KLHL1: variants seen among roughly 807,000 people sequenced by gnomAD.
KLHL1 encodes the protein kelch like family member 1, also known as kelch-like protein 1.
A neutral mutation model predicts 77.7 loss-of-function variants in KLHL1; 47 were observed. The observed-to-expected ratio is 0.60, with a 90% CI of 0.48 to 0.77. The LOEUF (loss-of-function observed/expected upper bound fraction) is 0.77. KLHL1 is among the 30% of genes least tolerant of loss of function. KLHL1 has a pLI of 0.00. For synonymous variants in KLHL1, 360 were observed against 325.2 expected, an observed-to-expected ratio of 1.11 and a Z score of -1.15; for missense variants, 925 against 910.8, an observed-to-expected ratio of 1.02 and a Z score of -0.20.
intron 3 of KLHL1, among the ~76,000 whole-genome samples, chr13:69,946,055 T>C (rs1307889470): frequency 1.3e-5 from 2 of 150,152 alleles, no homozygotes; most frequent in Admixed American, 6.6e-5. Flanking sequence ...GCAAGATAAT[T>C]AGGCTGAGTG....
intron 4 of KLHL1, among the ~76,000 whole-genome samples, chr13:69,921,811 C>T (rs754665345): frequency 6.6e-5 from 10 of 151,644 alleles, no homozygotes; most frequent in Non-Finnish European, 1.5e-4. Flanking sequence ...TAGTCAGTTC[C>T]GCATAGATAT....
intron 6 of KLHL1, among the ~76,000 whole-genome samples, chr13:69,837,133 T>G (rs978653271): frequency 1.2e-4 from 18 of 152,008 alleles, no homozygotes; most frequent in African/African-American, 4.3e-4. Context: ...TAAATTCTTA[T>G]ATATTTTTGA....
chr13:69,939,374 T>TACAC lies in KLHL1; in HGVS notation c.1014+665_1014+666insGTGT, dbSNP rs1271739736. On this transcript the variant is annotated intron_variant, in intron 4 of 10. Transcript: ENST00000377844. ...ATATATATATATATATATATATATA[T>TACAC]ATATACACACACACACGCACACACA... Among the ~76,000 whole-genome samples, 175 of 97,100 alleles carry TACAC rather than the reference T, an allele frequency of 1.8e-3. 2 individuals are homozygous for TACAC. Among genetic ancestry groups the TACAC allele is most frequent in the African/African-American group, 7.4e-3 (167 of 22,716 alleles). 63.7% of individuals were successfully genotyped at this position (97,100 alleles called of 152,430 possible).
At chr13:69,851,712 G>T (rs1010558579) in intron 5 of KLHL1, among the ~76,000 whole-genome samples, 8 of 151,512 alleles carry the variant, frequency 5.3e-5, no homozygotes, top group Non-Finnish European at 1.0e-4. Flanking sequence ...CTATGTCCCT[G>T]TTCTCTATTA....
intron 7 of KLHL1, among the ~76,000 whole-genome samples, chr13:69,746,089 G>A (rs970519631): frequency 6.6e-6 from 1 of 151,186 alleles, no homozygotes; most frequent in Non-Finnish European, 1.5e-5. Context: ...TATTGCAATT[G>A]GCATTTTTAA....
intron 7 of KLHL1, among the ~76,000 whole-genome samples, chr13:69,775,782 C>T (rs1405769601): frequency 3.3e-5 from 5 of 151,764 alleles, no homozygotes; most frequent in Non-Finnish European, 7.4e-5. Context: ...TCTCTGCCTC[C>T]CGGGTTCAAG....
At chr13:69,707,601 G>A in intron 10 of KLHL1, 24 bp downstream of exon 10, 2 of 1,598,824 alleles carry the variant, frequency 1.3e-6, no homozygotes, top group South Asian at 1.1e-5. Flanking sequence ...TCCTTGAAGT[G>A]AATTATGCTG....
At chr13:69,811,033 A>G (rs143501835) in intron 6 of KLHL1, among the ~76,000 whole-genome samples, 3 of 152,292 alleles carry the variant, frequency 2.0e-5, no homozygotes, top group South Asian at 4.1e-4. Flanking sequence ...GCAGAATTCT[A>G]TCAGACATAC....
chr13:70,027,195 T>C (rs1299704378), intron 1 of KLHL1, among the ~76,000 whole-genome samples: 4 of 152,148 alleles, frequency 2.6e-5, no homozygotes, highest in South Asian at 2.1e-4. Flanking sequence ...TTTAAAAGTA[T>C]AACATTTTAA....
At chr13:69,782,054 T>C (rs1876243767) in intron 7 of KLHL1, among the ~76,000 whole-genome samples, 1 of 152,194 alleles carries the variant, frequency 6.6e-6, no homozygotes, top group Admixed American at 6.5e-5. Context: ...AACTTCTTGT[T>C]TTTAAGGGTG....
chr13:69,892,748 T>A (rs1881470389), intron 4 of KLHL1, among the ~76,000 whole-genome samples: 1 of 152,124 alleles, frequency 6.6e-6, no homozygotes, highest in South Asian at 2.1e-4. Flanking sequence ...AGCTAGACAG[T>A]TGGGATAAAA....
rs191997756 is a variant in KLHL1, at chr13:69,985,647, G to A, written c.498-9845C>T. On this transcript the variant is annotated intron_variant, in intron 1 of 10. Coordinates refer to ENST00000377844, the MANE Select transcript of KLHL1 (RefSeq NM_020866.3). ...TCCACTACAGGGTATATGCCCAAAG[G>A]AAATGAGATGAATATGTTGAAAATA... Among the ~76,000 whole-genome samples, 1,137 of 151,118 alleles carry A rather than the reference G, an allele frequency of 7.5e-3. 9 individuals are homozygous for A. The highest frequency in any genetic ancestry group is 0.024 in the Middle Eastern group (7 of 294).
chr13:69,931,108 C>G (rs1397682128), intron 4 of KLHL1, among the ~76,000 whole-genome samples: 2 of 151,588 alleles, frequency 1.3e-5, no homozygotes, highest in Non-Finnish European at 3.0e-5. Context: ...CACTTACTCT[C>G]TTTTCAAATA....
intron 1 of KLHL1, among the ~76,000 whole-genome samples, chr13:70,044,502 C>G (rs1042182133): frequency 6.6e-6 from 1 of 151,966 alleles, no homozygotes; most frequent in Non-Finnish European, 1.5e-5. Context: ...TGAAAAAATA[C>G]ATATAACATT....
At chr13:69,740,216 A>G (rs1029030702) in intron 8 of KLHL1, among the ~76,000 whole-genome samples, 178 bp downstream of exon 8, 2 of 152,198 alleles carry the variant, frequency 1.3e-5, no homozygotes, top group Non-Finnish European at 2.9e-5. Context: ...ATGTGAAGCA[A>G]TTTTGGGTTC....
At chr13:69,825,824 T>G (rs866397665) in intron 6 of KLHL1, among the ~76,000 whole-genome samples, 81 of 152,284 alleles carry the variant, frequency 5.3e-4, no homozygotes, top group African/African-American at 1.5e-3. Context: ...ATCTGATAAC[T>G]GAAGTCTGAA....
intron 6 of KLHL1, among the ~76,000 whole-genome samples, chr13:69,817,981 T>C (rs74090466): frequency 0.019 from 2,935 of 152,208 alleles, 82 homozygotes; most frequent in African/African-American, 0.066. Flanking sequence ...TATTTGACCC[T>C]TAAGTTTTAC....
At chr13:69,815,076 G>A (rs1566284966) in intron 6 of KLHL1, among the ~76,000 whole-genome samples, 1 of 152,122 alleles carries the variant, frequency 6.6e-6, no homozygotes, top group Non-Finnish European at 1.5e-5. Flanking sequence ...AGATTATGAA[G>A]AGAAGGGAAT....
chr13:69,990,222 T>C (rs1884991545), intron 1 of KLHL1, among the ~76,000 whole-genome samples: 2 of 151,906 alleles, frequency 1.3e-5, no homozygotes, highest in African/African-American at 4.8e-5. Flanking sequence ...GAAACACACT[T>C]AAGTACACAG....
Sources: allele counts gnomAD v4.1 joint callset (sites outside exome capture counted in the v4.1 genomes callset), GRCh38; gene constraint gnomAD v4.1.1; transcripts MANE v1.5; gene names NCBI Gene and HGNC (gene_info 2026-07-23, HGNC 2026-07-21).